ASTN1: variants seen among roughly 807,000 people sequenced by gnomAD.
The protein encoded by ASTN1 is astrotactin 1.
Under a neutral mutation model 140.7 loss-of-function variants are expected in ASTN1, and 41 were observed. That is an observed-to-expected ratio of 0.29 (90% CI 0.23 to 0.38). The LOEUF (loss-of-function observed/expected upper bound fraction) is 0.38. Ranked by LOEUF, ASTN1 falls within the 10% of genes least tolerant of loss-of-function variation. The pLI is 1.00. For missense variants in ASTN1, 1,479 were observed against 1,678.8 expected, an observed-to-expected ratio of 0.88 and a Z score of 2.08; for synonymous variants, 640 against 652.2, an observed-to-expected ratio of 0.98 and a Z score of 0.29.
chr1:176,897,019 G>A (rs140620337), intron 16 of ASTN1, among the ~76,000 whole-genome samples: 1,648 of 152,282 alleles, frequency 0.011, 31 homozygotes, highest in African/African-American at 0.038. Context: ...GCTCACTCTT[G>A]TAATCCCAGC....
chr1:176,857,789 T>TGTTA (rs1338373755), downstream of ASTN1: 1 of 403,730 alleles, frequency 2.5e-6, no homozygotes, highest in East Asian at 3.6e-5. Flanking sequence ...TGTGCTTTAC[T>TGTTA]GTTATTTTCA....
intron 16 of ASTN1, among the ~76,000 whole-genome samples, chr1:176,923,439 C>T (rs1024207558): frequency 4.6e-5 from 7 of 152,150 alleles, no homozygotes; most frequent in African/African-American, 1.7e-4. Context: ...TTCTTTCCCT[C>T]AACATGTTGC....
chr1:177,163,724 C>T (rs1394819974), intron 1 of ASTN1, among the ~76,000 whole-genome samples: 1 of 152,132 alleles, frequency 6.6e-6, no homozygotes, highest in Non-Finnish European at 1.5e-5. Flanking sequence ...TATCTTTAAC[C>T]AACTGTGACG....
At chr1:177,159,949 A>AT (rs781707671) in intron 1 of ASTN1, among the ~76,000 whole-genome samples, 1 of 152,188 alleles carries the variant, frequency 6.6e-6, no homozygotes, top group Non-Finnish European at 1.5e-5. Context: ...TTAGCTAACT[A>AT]TTTTTTGATA....
intron 8 of ASTN1, among the ~76,000 whole-genome samples, chr1:176,969,378 G>C (rs1673034329): frequency 6.6e-6 from 1 of 152,006 alleles, no homozygotes; most frequent in Non-Finnish European, 1.5e-5. Context: ...CTCCTCATTA[G>C]GAAAAAAAAT....
At chr1:177,047,120 T>G (rs1677271337) in intron 2 of ASTN1, among the ~76,000 whole-genome samples, 1 of 152,186 alleles carries the variant, frequency 6.6e-6, no homozygotes, top group African/African-American at 2.4e-5. Flanking sequence ...GATAGGCTTA[T>G]GCACAGGTAA....
intron 1 of ASTN1, among the ~76,000 whole-genome samples, chr1:177,067,873 TGA>T (rs775536340): frequency 2.6e-5 from 4 of 151,912 alleles, no homozygotes; most frequent in Non-Finnish European, 5.9e-5. Context: ...AGTGAGGAAA[TGA>T]GACTAACCCG....
intron 18 of ASTN1, 87 bp downstream of exon 18, chr1:176,887,984 C>G (rs1482470127): frequency 6.4e-6 from 10 of 1,564,346 alleles, no homozygotes; most frequent in Non-Finnish European, 8.7e-6. Context: ...TTCTTTGTTT[C>G]CCAGTACCCA....
intron 8 of ASTN1, among the ~76,000 whole-genome samples, chr1:176,993,453 G>A (rs1674284145): frequency 6.6e-6 from 1 of 152,094 alleles, no homozygotes; most frequent in Admixed American, 6.5e-5. Context: ...AAGGCTTTCT[G>A]GAATAGGAGT....
At chr1:176,883,937 G>A (rs933077247) in intron 19 of ASTN1, among the ~76,000 whole-genome samples, 1 of 152,200 alleles carries the variant, frequency 6.6e-6, no homozygotes, top group Non-Finnish European at 1.5e-5. Flanking sequence ...CCTGGAAGGG[G>A]GTTATTAGCA....
At chr1:176,929,918 G>T (rs2103085545) in intron 16 of ASTN1, among the ~76,000 whole-genome samples, 1 of 152,314 alleles carries the variant, frequency 6.6e-6, no homozygotes, top group Admixed American at 6.5e-5. Flanking sequence ...TGAGGCAGGA[G>T]AATGGCGTGA....
intron 22 of ASTN1, among the ~76,000 whole-genome samples, chr1:176,865,940 G>T (rs1668115150): frequency 1.3e-5 from 2 of 152,082 alleles, no homozygotes; most frequent in Admixed American, 1.3e-4. Flanking sequence ...CTATCACAAG[G>T]ATAGCATTGA....
At chr1:176,874,749 AT>A (rs887593033) in intron 21 of ASTN1, among the ~76,000 whole-genome samples, 1 of 152,142 alleles carries the variant, frequency 6.6e-6, no homozygotes, top group Non-Finnish European at 1.5e-5. Context: ...TTTTAAATTA[AT>A]TAAGTCATTC....
chr1:177,090,156 C>T (rs542296064), intron 1 of ASTN1, among the ~76,000 whole-genome samples: 39 of 151,724 alleles, frequency 2.6e-4, no homozygotes, highest in African/African-American at 6.8e-4. Context: ...TCAATTTTTA[C>T]GAGAGCCAAC....
Position 176,864,331 on chromosome 1 carries a change from T to A in ASTN1, c.3838A>T (p.Thr1280Ser). The change falls in exon 23 of 23, where the codon ACC (threonine) becomes TCC (serine). Residue 1280 changes from threonine (T) to serine (S), a missense_variant. Thr to Ser is a moderately conservative substitution (Grantham distance 58, BLOSUM62 1). This residue lies in a region of ASTN1 where 746 missense variants were observed against 800.9 expected (regional missense o/e 0.93). Transcript: ENST00000361833. ...TAGTCGTTGTAGGGGATACTCAGGGTCTGCTCCTCACACGTCTTCCTGAGG... is the reference window on the plus strand; with the variant it reads ...TAGTCGTTGTAGGGGATACTCAGGGACTGCTCCTCACACGTCTTCCTGAGG... ...RDLRKTCEEQ[T>S]LSIPYNDYGD... The A allele has an allele frequency of 6.2e-7, 1 of 1,614,068 alleles. No homozygotes were observed. The highest frequency in any genetic ancestry group is 8.5e-7 in the Non-Finnish European group (1 of 1,179,990).
chr1:176,868,790 G>A (rs375059371), intron 22 of ASTN1, 54 bp downstream of exon 22: 2 of 1,514,210 alleles, frequency 1.3e-6, no homozygotes, highest in Non-Finnish European at 1.8e-6. Context: ...TACGGCACAA[G>A]AGGTACAAAA....
intron 20 of ASTN1, 131 bp from the exon 21 acceptor site, chr1:176,876,768 TCACGTTTACTGC>T: frequency 2.5e-6 from 2 of 808,136 alleles, no homozygotes; most frequent in East Asian, 5.4e-5. Flanking sequence ...TCATCCTGGG[TCACGTTTACTGC>T]CACCATCCCA....
intron 16 of ASTN1, among the ~76,000 whole-genome samples, chr1:176,925,559 T>C (rs1289957793): frequency 6.6e-6 from 1 of 152,150 alleles, no homozygotes; most frequent in Non-Finnish European, 1.5e-5. Context: ...TTATGGATCA[T>C]GGCCAAAATA....
chr1:176,988,338 T>TAA, intron 8 of ASTN1, among the ~76,000 whole-genome samples: 1 of 146,888 alleles, frequency 6.8e-6, no homozygotes, highest in Non-Finnish European at 1.5e-5. Context: ...AAAAAACCTT[T>TAA]CCTTTTAGAT....
Sources: gnomAD v4.1 joint callset for allele counts (sites outside exome capture counted in the v4.1 genomes callset) on GRCh38, gnomAD v4.1.1 for gene constraint, gnomAD v4.1.1 regional missense constraint, MANE v1.5 for transcripts, NCBI Gene and HGNC (gene_info 2026-07-23, HGNC 2026-07-21) for gene names.